The following AFF3 variants were observed in gnomAD, a reference collection of about 807,000 sequenced individuals.
AFF3 encodes the protein AF4/FMR2 family member 3.
AFF3 carries 32 observed loss-of-function variants against 129.7 expected under a neutral mutation model. The observed-to-expected ratio is 0.25, with a 90% CI of 0.19 to 0.33. AFF3 has a LOEUF of 0.33. Ranked by LOEUF, AFF3 falls within the 10% of genes least tolerant of loss-of-function variation. The probability of loss-of-function intolerance (pLI) is 1.00; values close to 1 mark genes in which losing one functional copy is unlikely to be tolerated. For synonymous variants in AFF3, 644 were observed against 635.4 expected (o/e 1.01, Z -0.20); for missense variants, 1,373 against 1,592.0 (o/e 0.86, Z 2.34).
intron 13 of AFF3, among the ~76,000 whole-genome samples, chr2:99,626,736 A>G (rs1332686168): frequency 6.6e-6 from 1 of 152,110 alleles, no homozygotes; most frequent in Non-Finnish European, 1.5e-5. Context: ...CCCAGCCTCC[A>G]TCAACTGACA....
At chr2:100,081,224 T>G (rs1286624111) in intron 4 of AFF3, among the ~76,000 whole-genome samples, 1 of 152,140 alleles carries the variant, frequency 6.6e-6, no homozygotes, top group Non-Finnish European at 1.5e-5. Context: ...ATAAGCAAGT[T>G]ACAAAATTAC....
At chr2:99,838,490 A>G (rs1181784883) in intron 7 of AFF3, among the ~76,000 whole-genome samples, 2 of 152,064 alleles carry the variant, frequency 1.3e-5, no homozygotes, top group East Asian at 3.9e-4. Flanking sequence ...GTTAATTCCT[A>G]GTTAAGTCAT....
chr2:99,856,483 G>T (rs1690539859), intron 7 of AFF3, among the ~76,000 whole-genome samples: 3 of 152,088 alleles, frequency 2.0e-5, no homozygotes, highest in Non-Finnish European at 2.9e-5. Flanking sequence ...ACATAATTAT[G>T]CCTCCAAACA....
At chr2:99,634,174 C>T (rs1193636165) in intron 13 of AFF3, among the ~76,000 whole-genome samples, 2 of 152,230 alleles carry the variant, frequency 1.3e-5, no homozygotes, top group Non-Finnish European at 1.5e-5. Context: ...TTCCAAAGTG[C>T]TGGGATTACA....
At chr2:99,585,177 C>T (rs2104863910) in intron 16 of AFF3, among the ~76,000 whole-genome samples, 2 of 152,220 alleles carry the variant, frequency 1.3e-5, no homozygotes, top group Middle Eastern at 3.4e-3. Context: ...AAGACCTTTT[C>T]CTCAGTCTCT....
At chr2:100,079,365 G>A (rs1688858446) in intron 4 of AFF3, among the ~76,000 whole-genome samples, 1 of 152,168 alleles carries the variant, frequency 6.6e-6, no homozygotes, top group African/African-American at 2.4e-5. Flanking sequence ...GTAGTATCCT[G>A]AATCTAAAAT....
At chr2:99,581,227 C>A (rs13006709) in intron 17 of AFF3, among the ~76,000 whole-genome samples, 1 of 152,198 alleles carries the variant, frequency 6.6e-6, no homozygotes, top group African/African-American at 2.4e-5. Flanking sequence ...TAGTTCTCTG[C>A]GTATCATAGT....
At chr2:99,735,596 G>T (rs1209871479) in intron 10 of AFF3, among the ~76,000 whole-genome samples, 3 of 151,974 alleles carry the variant, frequency 2.0e-5, no homozygotes, top group African/African-American at 7.2e-5. Context: ...AGGCTCAAGC[G>T]ATTCTCCTGC....
intron 13 of AFF3, among the ~76,000 whole-genome samples, chr2:99,636,417 C>G (rs909949257): frequency 1.3e-5 from 2 of 152,172 alleles, no homozygotes; most frequent in African/African-American, 4.8e-5. Context: ...CATGGACTCA[C>G]CCTTCACAAG....
intron 1 of AFF3, among the ~76,000 whole-genome samples, chr2:100,134,627 T>C (rs1692558191): frequency 6.6e-6 from 1 of 152,248 alleles, no homozygotes; most frequent in Non-Finnish European, 1.5e-5. Flanking sequence ...ACAGCTTTAT[T>C]ATCTCACATG....
At chr2:99,880,660 T>A (rs1230252713) in intron 7 of AFF3, among the ~76,000 whole-genome samples, 1 of 152,078 alleles carries the variant, frequency 6.6e-6, no homozygotes, top group Non-Finnish European at 1.5e-5. Flanking sequence ...GAAAAAAATC[T>A]AGCCCACTGA....
rs561831184 is a variant in AFF3, at chr2:99,745,999, A to T, written c.1003-1859T>A. On this transcript the variant is annotated intron_variant, in intron 9 of 24. Transcript: ENST00000672756. ...GGAGGATAGGAGTGGGACATGAGAT[A>T]AAAAAACTACATACTGGGTACAATG... Among the ~76,000 whole-genome samples the T allele has an allele frequency of 1.5e-4, 23 of 152,228 alleles. No individual in the cohort carries two copies. In the East Asian group the frequency reaches 3.9e-3, roughly 26 times the overall value.
intron 7 of AFF3, among the ~76,000 whole-genome samples, chr2:99,995,983 G>T (rs1007289112): frequency 6.6e-6 from 1 of 152,112 alleles, no homozygotes; most frequent in African/African-American, 2.4e-5. Context: ...TTATAAATTG[G>T]ATGTCTAAGA....
intron 10 of AFF3, among the ~76,000 whole-genome samples, chr2:99,730,554 T>C (rs1961081): frequency 0.68 from 102,164 of 150,170 alleles, 35,922 homozygotes; most frequent in African/African-American, 0.86. Context: ...CTCACTCTGT[T>C]GCCCAGGCTG....
intron 11 of AFF3, among the ~76,000 whole-genome samples, chr2:99,717,066 T>C (rs1345137957): frequency 1.3e-5 from 2 of 152,212 alleles, no homozygotes; most frequent in Non-Finnish European, 2.9e-5. Context: ...TGCTATAGCG[T>C]GAGCAGTTTG....
chr2:100,108,666 G>A (rs950063304), intron 2 of AFF3, among the ~76,000 whole-genome samples: 5 of 152,100 alleles, frequency 3.3e-5, no homozygotes, highest in African/African-American at 1.2e-4. Context: ...TAGAAAGGGG[G>A]CCAATACCCC....
chr2:99,999,278 A>G (rs1234785482), intron 7 of AFF3, among the ~76,000 whole-genome samples: 1 of 152,198 alleles, frequency 6.6e-6, no homozygotes, highest in Non-Finnish European at 1.5e-5. Context: ...TATAAATTAT[A>G]TGTTGGAAGT....
intron 8 of AFF3, among the ~76,000 whole-genome samples, chr2:99,775,315 T>A (rs947375514): frequency 6.6e-6 from 1 of 152,172 alleles, no homozygotes; most frequent in Non-Finnish European, 1.5e-5. Flanking sequence ...TAAATGCCCA[T>A]CAATGATAGA....
chr2:100,003,432 C>T (rs1681620232), intron 7 of AFF3, among the ~76,000 whole-genome samples: 1 of 152,188 alleles, frequency 6.6e-6, no homozygotes, highest in Non-Finnish European at 1.5e-5. Flanking sequence ...GTCTCTCACC[C>T]AACCATAGAC....
Sources: allele counts gnomAD v4.1 joint callset (sites outside exome capture counted in the v4.1 genomes callset), GRCh38; gene constraint gnomAD v4.1.1; transcripts MANE v1.5; gene names NCBI Gene and HGNC (gene_info 2026-07-23, HGNC 2026-07-21).